Variants in POM121 observed in about 807,000 individuals in gnomAD.
POM121 encodes POM121 transmembrane nucleoporin, also known as nuclear envelope pore membrane protein POM 121.
In POM121, 32 loss-of-function variants were observed where a neutral mutation model predicts 81.3. That is an observed-to-expected ratio of 0.39 (90% CI 0.30 to 0.53). The LOEUF (loss-of-function observed/expected upper bound fraction) is 0.53, where lower values mean the gene tolerates loss of function less well. Ranked by LOEUF, POM121 falls within the 20% of genes least tolerant of loss-of-function variation. The probability of loss-of-function intolerance (pLI) is 0.66; values close to 1 mark genes in which losing one functional copy is unlikely to be tolerated. For synonymous variants in POM121, 514 were observed against 694.2 expected (o/e 0.74, Z 4.08); for missense variants, 1,138 against 1,614.6 (o/e 0.70, Z 5.06).
upstream of POM121, among the ~76,000 whole-genome samples, chr7:72,922,560 T>G (rs1225105521): frequency 2.6e-4 from 39 of 151,806 alleles, 1 homozygote; most frequent in Non-Finnish European, 4.6e-4. Flanking sequence ...TTTTGTGTTT[T>G]TTTTTTTTTT....
At chr7:72,907,374 C>G (rs1793349598) in intron 3 of POM121, among the ~76,000 whole-genome samples, 1 of 152,100 alleles carries the variant, frequency 6.6e-6, no homozygotes, top group Non-Finnish European at 1.5e-5. Flanking sequence ...TTTGCTTTCG[C>G]CCATCAAATA....
intron 5 of POM121, among the ~76,000 whole-genome samples, chr7:72,933,285 C>CA (rs1477418672): frequency 6.6e-6 from 1 of 151,350 alleles, no homozygotes; most frequent in African/African-American, 2.4e-5. Context: ...CCCTGAAAGG[C>CA]AGAGGTCAAG....
At chr7:72,885,834 C>CT (rs1422034573) in intron 1 of POM121, among the ~76,000 whole-genome samples, 2 of 150,664 alleles carry the variant, frequency 1.3e-5, no homozygotes, top group Admixed American at 6.6e-5. Flanking sequence ...GTCTCATCTT[C>CT]TTTGTTTCTT....
At chr7:72,905,664 C>T (rs1158073106) in intron 3 of POM121, among the ~76,000 whole-genome samples, 1 of 152,218 alleles carries the variant, frequency 6.6e-6, no homozygotes, top group Non-Finnish European at 1.5e-5. Context: ...TGCACCTCTG[C>T]ACTCCAGCCT....
At chr7:72,920,474 G>A (rs538502060), upstream of POM121, among the ~76,000 whole-genome samples, 19 of 150,128 alleles carry the variant, frequency 1.3e-4, no homozygotes, top group Admixed American at 4.7e-4. Context: ...TCAGCCTCCC[G>A]AGTAGCTGGG....
chr7:72,910,773 G>A lies in POM121; in HGVS notation c.-215-2992G>A, dbSNP rs544458005. 1.3e-4 allele frequency among the ~76,000 whole-genome samples: 20 copies of A among 152,106 alleles called. No homozygotes were observed. The South Asian group carries it at 2.7e-3, about 21-fold the overall frequency. ...CGCCCTCTTCGCTGTCATTTGGCTC[G>A]AAAGATGAGGCTCCTTTTGCGGGGG... is the stretch of plus-strand genomic sequence containing the variant. On this transcript the variant is annotated intron_variant, in intron 3 of 15. Transcript: ENST00000395270.
intron 3 of POM121, among the ~76,000 whole-genome samples, chr7:72,910,046 G>A (rs138824691): frequency 6.6e-6 from 1 of 152,268 alleles, no homozygotes; most frequent in African/African-American, 2.4e-5. Flanking sequence ...TGGGCACTTC[G>A]AGGGCATGGC....
Position 72,946,378 on chromosome 7 carries a change from C to T in POM121, c.*144C>T, listed in dbSNP as rs1173876658. 5 of 1,436,928 alleles carry T rather than the reference C, an allele frequency of 3.5e-6. No individual in the cohort carries two copies. The highest frequency in any genetic ancestry group is 2.9e-5 in the Admixed American group (1 of 34,302). 89.0% of individuals were successfully genotyped at this position (1,436,928 alleles called of 1,614,324 possible). On this transcript the variant is annotated 3_prime_UTR_variant, in exon 13 of 13. Transcript: ENST00000434423. ...TTCAGCCGCCAGGGGGCAGTGGCAG[C>T]CCTGGGGCCCTTTCCCTTCTGGAGG...
At chr7:72,949,395 C>G (rs374730523), downstream of POM121, 3 of 1,122,486 alleles carry the variant, frequency 2.7e-6, no homozygotes, top group African/African-American at 1.5e-5. Flanking sequence ...CCAGGAAGTC[C>G]TCCTCAGCCA....
At chr7:72,912,621 C>G (rs1554494436) in intron 3 of POM121, among the ~76,000 whole-genome samples, 1 of 152,034 alleles carries the variant, frequency 6.6e-6, no homozygotes. Context: ...CTAAAACGCG[C>G]ACACAAAATT....
chr7:72,928,443 G>A lies in POM121; in HGVS notation c.1081G>A (p.Val361Ile). Residue 361 changes from valine (V) to isoleucine (I), a missense_variant, in exon 4 of 13, where the codon GTC becomes ATC. Val to Ile is a conservative substitution (Grantham distance 29). Around this residue, in one of 7 missense-constraint regions of POM121, gnomAD observed 646 missense variants for 633.5 expected, o/e 1.02. Transcript: ENST00000434423. Reference protein sequence around the residue: ...SAFEPLVANGVPASFVPKPGS... With the variant: ...SAFEPLVANGIPASFVPKPGS... ...ATTTGAGCCCCTGGTGGCCAATGGA[G>A]TCCCCGCTTCTTTTGTGCCTAAGTA... is the stretch of plus-strand genomic sequence containing the variant. The A allele has an allele frequency of 6.2e-7, 1 of 1,614,246 alleles. No homozygotes were observed. The highest frequency in any genetic ancestry group is 1.6e-4 in the Middle Eastern group (1 of 6,062).
At chr7:72,931,944 A>G (rs1796068960) in intron 5 of POM121, among the ~76,000 whole-genome samples, 1 of 151,838 alleles carries the variant, frequency 6.6e-6, no homozygotes, top group Admixed American at 6.6e-5. Flanking sequence ...AGTCAGTTTA[A>G]GAATTGTGAT....
chr7:72,926,286 G>A lies in POM121; in HGVS notation c.669G>A (p.Arg223=). Residue 223 remains arginine (R), a synonymous_variant, in exon 2 of 13, where the codon CGG becomes CGA. Coordinates refer to ENST00000434423, the MANE Select transcript of POM121 (RefSeq NM_001387691.1). ...SPRDCGTLPN[R]FVITPRRRYP... is the part of the protein sequence containing the mutation. ...GGGATTGTGGGACTTTACCAAATCG[G>A]TTTGTAATAACACCTAGAAGACGCT... 1.9e-6 allele frequency: 3 copies of A among 1,569,784 alleles called. No homozygotes were observed. Among genetic ancestry groups the A allele is most frequent in the South Asian group, 2.3e-5 (2 of 86,542 alleles).
At chr7:72,895,005 T>G (rs184433477) in intron 3 of POM121, among the ~76,000 whole-genome samples, 3 of 152,228 alleles carry the variant, frequency 2.0e-5, no homozygotes, top group East Asian at 1.9e-4. Flanking sequence ...TTTAAAAATT[T>G]TCTATAGAAG....
At chr7:72,901,176 T>A (rs1485871357) in intron 3 of POM121, among the ~76,000 whole-genome samples, 1 of 151,886 alleles carries the variant, frequency 6.6e-6, no homozygotes, top group Non-Finnish European at 1.5e-5. Flanking sequence ...GTTTTATTTT[T>A]TTTAATTGAG....
At chr7:72,925,888 T>C in intron 1 of POM121, 123 bp downstream of exon 1, 10 of 1,183,396 alleles carry the variant, frequency 8.5e-6, no homozygotes, top group Non-Finnish European at 1.1e-5. Context: ...GGTTTTGCCC[T>C]CCTTAACACC....
intron 5 of POM121, among the ~76,000 whole-genome samples, chr7:72,934,101 T>C (rs1414464820): frequency 6.6e-6 from 1 of 152,168 alleles, no homozygotes; most frequent in Non-Finnish European, 1.5e-5. Context: ...TTTCTTTCTT[T>C]TGAGACAGAG....
intron 1 of POM121, among the ~76,000 whole-genome samples, chr7:72,882,719 C>T (rs542647110): frequency 6.6e-6 from 1 of 152,228 alleles, no homozygotes; most frequent in South Asian, 2.1e-4. Context: ...TCTTTTTGTT[C>T]GGGTTGCACA....
intron 3 of POM121, among the ~76,000 whole-genome samples, chr7:72,892,368 T>C (rs1791384544): frequency 6.6e-6 from 1 of 152,220 alleles, no homozygotes; most frequent in Admixed American, 6.5e-5. Context: ...CTGTGCATGT[T>C]CCAAAATCAT....
Sources: allele counts gnomAD v4.1 joint callset (sites outside exome capture counted in the v4.1 genomes callset), GRCh38; gene constraint gnomAD v4.1.1; regional missense constraint gnomAD v4.1.1; transcripts MANE v1.5; gene names NCBI Gene and HGNC (gene_info 2026-07-23, HGNC 2026-07-21).